ZFYVE26: variants seen among roughly 807,000 people sequenced by gnomAD.
ZFYVE26 encodes zinc finger FYVE-type containing 26.
A neutral mutation model predicts 276.5 loss-of-function variants in ZFYVE26; 181 were observed. The ratio of observed to expected loss-of-function variants is 0.65; its 90% CI spans 0.58 to 0.74. ZFYVE26 has a LOEUF of 0.74. Ranked by LOEUF, ZFYVE26 falls within the 30% of genes least tolerant of loss-of-function variation. The pLI, the probability that ZFYVE26 is intolerant of heterozygous loss-of-function variation, is 0.00. For synonymous variants in ZFYVE26, 1,129 were observed against 1,203.1 expected (o/e 0.94, Z 1.27); for missense variants, 2,821 against 3,097.9 (o/e 0.91, Z 2.12).
At chr14:67,762,171 T>C in intron 34 of ZFYVE26, 32 bp downstream of exon 34, 3 of 1,609,044 alleles carry the variant, frequency 1.9e-6, no homozygotes, top group South Asian at 2.2e-5. Context: ...TCTCCCTCCC[T>C]GAGCCAGGCA....
chr14:67,790,016 T>G (rs1215032669), intron 15 of ZFYVE26, among the ~76,000 whole-genome samples: 1 of 152,196 alleles, frequency 6.6e-6, no homozygotes, highest in African/African-American at 2.4e-5. Flanking sequence ...GGATAATATA[T>G]AGGAAGCAAT....
chr14:67,791,676 C>T (rs989675318), intron 14 of ZFYVE26, among the ~76,000 whole-genome samples: 4 of 149,878 alleles, frequency 2.7e-5, no homozygotes, highest in Non-Finnish European at 4.4e-5. Flanking sequence ...AAAAAGACCA[C>T]GGCTCAAGAA....
Position 67,802,262 on chromosome 14 carries a change from G to A in ZFYVE26, c.1456C>T (p.Pro486Ser). The change falls in exon 10 of 42, where the codon CCT becomes TCT. Residue 486 changes from proline to serine, a missense_variant. Transcript: ENST00000347230. ...QEPDAVDAPV[P>S]EHLSQCQNLT... ...TTCTGACACTGGCTCAGGTGCTCAGGGACTGGAGCATCAACTGCATCTGAA... is the reference window on the plus strand; with the variant it reads ...TTCTGACACTGGCTCAGGTGCTCAGAGACTGGAGCATCAACTGCATCTGAA... The A allele has an allele frequency of 6.2e-7, 1 of 1,614,122 alleles. No homozygotes were observed. The highest frequency in any genetic ancestry group is 8.5e-7 in the Non-Finnish European group (1 of 1,180,016).
In ZFYVE26 at chr14:67,806,525, A is replaced by G. The variant is rs769317729; in HGVS notation, c.1017+20T>C. ...AGAATCCCTGGGTACCTCTGTGATG[A>G]ACAATTAAGCTTGACTTACCAGAAT... On this transcript the variant is annotated intron_variant, in intron 6 of 41. Transcript: ENST00000347230. 6.2e-7 allele frequency: 1 copy of G among 1,614,026 alleles called. No homozygotes were observed. Among genetic ancestry groups the G allele is most frequent in the Non-Finnish European group, 8.5e-7 (1 of 1,179,900 alleles).
In ZFYVE26 at chr14:67,816,336, C is replaced by T. The variant is rs538873801; in HGVS notation, c.-84+198G>A. 3.9e-5 allele frequency among the ~76,000 whole-genome samples: 6 copies of T among 151,964 alleles called. No individual in the cohort carries two copies. In the East Asian group the frequency reaches 1.2e-3, roughly 29 times the overall value. On this transcript the variant is annotated intron_variant, in intron 1 of 41. Coordinates refer to ENST00000347230, the MANE Select transcript of ZFYVE26 (RefSeq NM_015346.4). ...TATGCCCAGTCTTGACTCCAAATCC[C>T]CAGGTGGTCGCCTCCTCAAGAATGA... is the stretch of plus-strand genomic sequence containing the variant.
rs757797866 is a variant in ZFYVE26, at chr14:67,786,261, G to GAAAAA, written c.3020-29_3020-28insTTTTT. 1.1e-4 allele frequency: 58 copies of GAAAAA among 517,062 alleles called. 3 individuals carry two copies. Among genetic ancestry groups the GAAAAA allele is most frequent in the East Asian group, 1.0e-3 (16 of 15,738 alleles). The allele number at this position is 517,062 out of a possible 1,614,324, so 32.0% of individuals were successfully genotyped here. On this transcript the variant is annotated intron_variant, in intron 16 of 41. Coordinates refer to ENST00000347230, the MANE Select transcript of ZFYVE26 (RefSeq NM_015346.4). Reference sequence around the variant, plus strand: ...GGAAATAGATGAAGGAAGAGGGAATGCAAAAAAAAAAAATTGAAGTGTTTT... The same window carrying GAAAAA: ...GGAAATAGATGAAGGAAGAGGGAATGAAAAACAAAAAAAAAAAATTGAAGTGTTTT...
In ZFYVE26 at chr14:67,778,246, C is replaced by T. The variant is rs1164868557; in HGVS notation, c.4677G>A (p.Glu1559=). 1.2e-6 allele frequency: 2 copies of T among 1,614,152 alleles called. No individual in the cohort carries two copies. The highest frequency in any genetic ancestry group is 3.3e-5 in the Admixed American group (2 of 60,030). The change falls in exon 24 of 42, where the codon GAG becomes GAA. Residue 1559 remains glutamate (E), a splice_region_variant and synonymous_variant. Coordinates refer to ENST00000347230, the MANE Select transcript of ZFYVE26 (RefSeq NM_015346.4). The part of the protein sequence containing the change: ...TVMNMILEAQ[E]YELCEEWGCL... Reference sequence around the variant, plus strand: ...AGCCCCACTCTTCACACAGTTCATACTCCTGGAAGGAAACACACATGCCTT... The same window carrying T: ...AGCCCCACTCTTCACACAGTTCATATTCCTGGAAGGAAACACACATGCCTT...
Position 67,762,658 on chromosome 14 carries a change from T to C in ZFYVE26, c.6159+14A>G, listed in dbSNP as rs1178217986. 1 of 1,612,588 alleles carries C rather than the reference T, an allele frequency of 6.2e-7. No individual in the cohort carries two copies. The highest frequency in any genetic ancestry group is 8.5e-7 in the Non-Finnish European group (1 of 1,180,010). On this transcript the variant is annotated intron_variant, in intron 33 of 41. Coordinates refer to ENST00000347230, the MANE Select transcript of ZFYVE26 (RefSeq NM_015346.4). ...GTGGGGTGGAAGTAAGCTTTGTCTTTGTCTTTGTCTCACCTCAACGCCCAG... is the reference window on the plus strand; with the variant it reads ...GTGGGGTGGAAGTAAGCTTTGTCTTCGTCTTTGTCTCACCTCAACGCCCAG...
rs2140232569 is a variant in ZFYVE26, at chr14:67,789,513, A to G, written c.2841T>C (p.Phe947=). The G allele has an allele frequency of 3.1e-6, 5 of 1,614,162 alleles. No homozygotes were observed. The highest frequency in any genetic ancestry group is 4.2e-6 in the Non-Finnish European group (5 of 1,180,042). ...GCTCCACTAGAGCCGTGCTTATCCA[A>G]AAGTCCTCCTGGAGCATGGGGATGG... ...GDPIPMLQED[F]WISTALVEPT... Residue 947 remains phenylalanine (F), a synonymous_variant, in exon 16 of 42, where the codon TTT becomes TTC. Coordinates refer to ENST00000347230, the MANE Select transcript of ZFYVE26 (RefSeq NM_015346.4).
At chr14:67,806,740 T>C (rs1484002631) in intron 5 of ZFYVE26, 65 bp from the exon 6 acceptor site, 8 of 1,596,272 alleles carry the variant, frequency 5.0e-6, no homozygotes, top group Non-Finnish European at 6.9e-6. Context: ...TAGAGCCCAT[T>C]TGAACAACCA....
chr14:67,799,980 C>T (rs2040045361), intron 10 of ZFYVE26, among the ~76,000 whole-genome samples: 1 of 152,200 alleles, frequency 6.6e-6, no homozygotes, highest in African/African-American at 2.4e-5. Context: ...AGGCTCTCTA[C>T]CCAGCTAGAA....
intron 6 of ZFYVE26, 75 bp from the exon 7 acceptor site, chr14:67,805,693 A>C: frequency 6.6e-7 from 1 of 1,525,546 alleles, no homozygotes. Flanking sequence ...TGCTCTTTAG[A>C]GAAAGAAGTA....
At chr14:67,735,365 T>G in intron 13 of ZFYVE26, 1 of 732,654 alleles carries the variant, frequency 1.4e-6, no homozygotes, top group Admixed American at 1.9e-5. Flanking sequence ...GCAAGGAACA[T>G]GTGCCAGTCT....
At chr14:67,767,919 T>A in intron 30 of ZFYVE26, 79 bp from the exon 31 acceptor site, 1 of 1,602,776 alleles carries the variant, frequency 6.2e-7, no homozygotes. Context: ...CTGGCATGAG[T>A]TGCAGGTAGA....
rs867437051 is a variant in ZFYVE26 at position 67,809,419 on chromosome 14, T to A, written c.274-130A>T. On this transcript the variant is annotated intron_variant, in intron 3 of 41. Transcript: ENST00000347230. Reference sequence around the variant, plus strand: ...TAAGATGAAGCACTCTTTTTTTTTTTTTTTTTTTTTTTTTTTATTTTGAGA... The same window carrying A: ...TAAGATGAAGCACTCTTTTTTTTTTATTTTTTTTTTTTTTTTATTTTGAGA... 3,281 of 582,366 alleles carry A rather than the reference T, an allele frequency of 5.6e-3. 132 individuals are homozygous for A. The African/African-American group carries it at 0.058, about 10-fold the overall frequency. The allele number at this position is 582,366 out of a possible 1,614,324, so 36.1% of individuals were successfully genotyped here.
At chr14:67,732,978 G>C (rs118036936) in intron 13 of ZFYVE26, among the ~76,000 whole-genome samples, 3,755 of 152,166 alleles carry the variant, frequency 0.025, 61 homozygotes, top group Middle Eastern at 0.034. Context: ...AAAAAACATG[G>C]GGGGAGCGGG....
Position 67,768,550 on chromosome 14 carries a change from T to C in ZFYVE26, c.5622-2A>G, listed in dbSNP as rs1272228031. 1.2e-6 allele frequency: 2 copies of C among 1,613,958 alleles called. No individual in the cohort carries two copies. Among genetic ancestry groups the C allele is most frequent in the Non-Finnish European group, 1.7e-6 (2 of 1,179,930 alleles). On this transcript the variant is annotated splice_acceptor_variant, in intron 29 of 41. Transcript: ENST00000347230. LOFTEE classifies it high-confidence loss of function. ...TTTTCTGAAGGCTCCTCTGGTACAC[T>C]GAAAACAGAGAAAGAAAAATTATTA...
Position 67,799,494 on chromosome 14 carries a change from G to A in ZFYVE26, c.1640-872C>T. ...AGCCTGAAGGCAGCCATTCAGAGCA[G>A]ACAAAAGGATCGGCAAAAGGAAATG... On this transcript the variant is annotated intron_variant, in intron 10 of 41. Coordinates refer to ENST00000347230, the MANE Select transcript of ZFYVE26 (RefSeq NM_015346.4). The A allele has an allele frequency of 1.9e-6, 3 of 1,607,006 alleles. No individual in the cohort carries two copies. The South Asian group carries it at 3.3e-5, about 18-fold the overall frequency.
chr14:67,768,997 A>G (rs2039133324), intron 29 of ZFYVE26, among the ~76,000 whole-genome samples: 1 of 152,198 alleles, frequency 6.6e-6, no homozygotes, highest in Non-Finnish European at 1.5e-5. Flanking sequence ...ATGCTCTAGG[A>G]GTCTTAGGTT....
Sources: gnomAD v4.1 joint callset for allele counts (sites outside exome capture counted in the v4.1 genomes callset) on GRCh38, gnomAD v4.1.1 for gene constraint, MANE v1.5 for transcripts, NCBI Gene and HGNC (gene_info 2026-07-23, HGNC 2026-07-21) for gene names.